Variants in ULK4 observed in about 807,000 individuals in gnomAD.
ULK4 encodes inactive serine/threonine-protein kinase ULK4.
ULK4 carries 133 observed loss-of-function variants against 160.6 expected under a neutral mutation model. That is an observed-to-expected ratio of 0.83 (90% confidence interval 0.72 to 0.96). ULK4 has a LOEUF of 0.96. ULK4 is among the 40% of genes least tolerant of loss of function. ULK4 has a pLI of 0.00. For synonymous variants in ULK4, 534 were observed against 539.8 expected (o/e 0.99, Z 0.15); for missense variants, 1,580 against 1,499.5 (o/e 1.05, Z -0.89).
chr3:41,270,550 A>G (rs1339500275), intron 35 of ULK4, among the ~76,000 whole-genome samples: 1 of 152,146 alleles, frequency 6.6e-6, no homozygotes, highest in African/African-American at 2.4e-5. Flanking sequence ...TACCATTTTA[A>G]AGTTCAACCT....
chr3:41,594,745 A>G (rs1325528033), intron 31 of ULK4, among the ~76,000 whole-genome samples: 1 of 152,194 alleles, frequency 6.6e-6, no homozygotes, highest in African/African-American at 2.4e-5. Context: ...CATTTGTAAG[A>G]AAATCAAATC....
intron 32 of ULK4, among the ~76,000 whole-genome samples, chr3:41,477,829 T>C (rs2084191636): frequency 6.6e-6 from 1 of 152,226 alleles, no homozygotes; most frequent in Non-Finnish European, 1.5e-5. Flanking sequence ...ACATACGGCA[T>C]GGCCCCACAT....
At chr3:41,710,965 T>C (rs2037075610) in intron 25 of ULK4, among the ~76,000 whole-genome samples, 1 of 151,616 alleles carries the variant, frequency 6.6e-6, no homozygotes, top group Non-Finnish European at 1.5e-5. Context: ...GGAGAGGAAA[T>C]GAGCTGAAAA....
At chr3:41,473,661 C>CAAAAAAAAAAAAAA (rs1294599838) in intron 32 of ULK4, among the ~76,000 whole-genome samples, 16 of 25,288 alleles carry the variant, frequency 6.3e-4, no homozygotes, top group African/African-American at 2.5e-3. Flanking sequence ...GATTCTGTCT[C>CAAAAAAAAAAAAAA]AAAGAAAAAA....
intron 20 of ULK4, among the ~76,000 whole-genome samples, chr3:41,797,715 G>A (rs1218715875): frequency 6.6e-6 from 1 of 151,990 alleles, no homozygotes; most frequent in Non-Finnish European, 1.5e-5. Context: ...ACAAAAATCA[G>A]CTGGGTGTGG....
chr3:41,326,132 G>C (rs1486551568), intron 35 of ULK4, among the ~76,000 whole-genome samples: 23 of 152,062 alleles, frequency 1.5e-4, no homozygotes, highest in Admixed American at 1.5e-3. Context: ...CCATAAGCAT[G>C]GGCAGGGGGG....
Position 41,784,521 on chromosome 3 carries a change from T to C in ULK4, c.2193+5140A>G, listed in dbSNP as rs537511613. Among the ~76,000 whole-genome samples, 38 of 152,324 alleles carry C rather than the reference T, an allele frequency of 2.5e-4. No homozygotes were observed. The South Asian group carries it at 6.6e-3, about 27-fold the overall frequency. On this transcript the variant is annotated intron_variant, in intron 21 of 36. Transcript: ENST00000301831. The stretch of plus-strand genomic sequence containing the variant: ...ATTTTTAATCAAAAGTCCCCTCTCA[T>C]TGTGGTTGTGATTGTTCACTTTTAA...
chr3:41,692,793 A>C (rs576036011), intron 27 of ULK4, among the ~76,000 whole-genome samples: 1 of 152,294 alleles, frequency 6.6e-6, no homozygotes, highest in South Asian at 2.1e-4. Context: ...ACTTTTTGAA[A>C]ATGGAAATTC....
rs1697854892 is a variant in ULK4, at chr3:41,889,861, A to C, written c.1577+5657T>G. Among the ~76,000 whole-genome samples, 3 of 152,224 alleles carry C rather than the reference A, an allele frequency of 2.0e-5. No individual in the cohort carries two copies. In the South Asian group the frequency reaches 6.2e-4, roughly 32 times the overall value. On this transcript the variant is annotated intron_variant, in intron 16 of 36. Coordinates refer to ENST00000301831, the MANE Select transcript of ULK4 (RefSeq NM_017886.4). ...AATAGCCAAATGTGGAAACAACCCC[A>C]AATGTCCATCAAGACCACATAAGCA...
chr3:41,766,400 T>C (rs779486223), intron 21 of ULK4, among the ~76,000 whole-genome samples: 1 of 152,246 alleles, frequency 6.6e-6, no homozygotes, highest in Non-Finnish European at 1.5e-5. Context: ...TTAAGGAAGA[T>C]ATTATTGGAT....
chr3:41,700,298 CA>C (rs2036630955), intron 27 of ULK4, among the ~76,000 whole-genome samples: 1 of 152,132 alleles, frequency 6.6e-6, no homozygotes, highest in South Asian at 2.1e-4. Context: ...ACAACACAAA[CA>C]AAGGTTATCA....
intron 9 of ULK4, among the ~76,000 whole-genome samples, chr3:41,911,978 C>A (rs556375545): frequency 6.6e-6 from 1 of 151,810 alleles, no homozygotes; most frequent in Non-Finnish European, 1.5e-5. Flanking sequence ...CATAGTGAGA[C>A]CTTGTCTCTA....
intron 31 of ULK4, among the ~76,000 whole-genome samples, chr3:41,585,177 A>G (rs960516498): frequency 6.6e-6 from 1 of 152,178 alleles, no homozygotes; most frequent in African/African-American, 2.4e-5. Context: ...CCTAAAATTC[A>G]TATGAATTCT....
intron 33 of ULK4, among the ~76,000 whole-genome samples, chr3:41,461,736 C>T (rs1026229994): frequency 1.3e-5 from 2 of 152,136 alleles, no homozygotes; most frequent in Non-Finnish European, 2.9e-5. Context: ...TTTCTATTAT[C>T]CTGAAGATTT....
intron 34 of ULK4, among the ~76,000 whole-genome samples, chr3:41,450,254 A>G (rs1007459165): frequency 6.6e-6 from 1 of 152,174 alleles, no homozygotes; most frequent in South Asian, 2.1e-4. Context: ...AACTTATTAT[A>G]TCCTATATTA....
intron 32 of ULK4, among the ~76,000 whole-genome samples, chr3:41,469,602 C>CA (rs71616008): frequency 0.15 from 1,596 of 10,958 alleles, 82 homozygotes; most frequent in Non-Finnish European, 0.18. Context: ...CTACACCTGC[C>CA]AAAAAAAAAA....
At chr3:41,860,995 C>A (rs1260394908) in intron 17 of ULK4, among the ~76,000 whole-genome samples, 1 of 152,106 alleles carries the variant, frequency 6.6e-6, no homozygotes, top group Non-Finnish European at 1.5e-5. Flanking sequence ...CTTAACTCTA[C>A]ATAAACCAAC....
intron 21 of ULK4, among the ~76,000 whole-genome samples, chr3:41,783,005 G>C (rs1301878833): frequency 3.4e-5 from 5 of 147,856 alleles, no homozygotes; most frequent in African/African-American, 5.2e-5. Context: ...AAAGAACATA[G>C]AGTTGGGTTG....
chr3:41,541,211 G>T lies in ULK4; in HGVS notation c.3226+24814C>A, dbSNP rs150510090. 2.0e-5 allele frequency among the ~76,000 whole-genome samples: 3 copies of T among 152,256 alleles called. No individual in the cohort carries two copies. In the South Asian group the frequency reaches 6.2e-4, roughly 32 times the overall value. On this transcript the variant is annotated intron_variant, in intron 32 of 36. Coordinates refer to ENST00000301831, the MANE Select transcript of ULK4 (RefSeq NM_017886.4). Reference sequence around the variant, plus strand: ...TCCTGAATCAACTTTTGTATAAGGTGTAAGGAAGGGGTCCAGTTTCAGTTT... The same window carrying T: ...TCCTGAATCAACTTTTGTATAAGGTTTAAGGAAGGGGTCCAGTTTCAGTTT...
Sources: allele counts gnomAD v4.1 joint callset (sites outside exome capture counted in the v4.1 genomes callset), GRCh38; gene constraint gnomAD v4.1.1; transcripts MANE v1.5; gene names NCBI Gene and HGNC (gene_info 2026-07-23, HGNC 2026-07-21).